Variants in CCDC170 observed in about 807,000 individuals in gnomAD.
The protein encoded by CCDC170 is coiled-coil domain containing 170.
Under a neutral mutation model 72.6 loss-of-function variants are expected in CCDC170, and 69 were observed. The ratio of observed to expected loss-of-function variants is 0.95; its 90% CI spans 0.78 to 1.16. The LOEUF is 1.16. Among genes scored for constraint, CCDC170 ranks in the 50% most tolerant of loss-of-function variants. The pLI is 0.00. For synonymous variants in CCDC170, 300 were observed against 303.9 expected, an observed-to-expected ratio of 0.99 and a Z score of 0.13; for missense variants, 852 against 832.5, an observed-to-expected ratio of 1.02 and a Z score of -0.29.
chr6:151,547,176 T>A (rs1782789780), intron 4 of CCDC170, among the ~76,000 whole-genome samples: 1 of 152,144 alleles, frequency 6.6e-6, no homozygotes, highest in South Asian at 2.1e-4. Context: ...TTCCTAACAA[T>A]TAGACATTCA....
intron 6 of CCDC170, among the ~76,000 whole-genome samples, chr6:151,578,332 G>A (rs753299031): frequency 3.3e-5 from 5 of 152,148 alleles, no homozygotes; most frequent in Non-Finnish European, 7.4e-5. Flanking sequence ...CAGTAGGGTT[G>A]GTTCCTTCTG....
At position 151,533,178 on chromosome 6, in the gene CCDC170, C is replaced by T. The variant is rs545186598; in HGVS notation, c.58-3140C>T. On this transcript the variant is annotated intron_variant, in intron 1 of 10. Transcript: ENST00000239374. ...ATGCCATTCTCCTGCCTCAGCCTCC[C>T]GAGTAGCTGGGACTACAGGCGCCCG... is the stretch of plus-strand genomic sequence containing the variant. Among the ~76,000 whole-genome samples, 19 of 151,586 alleles carry T rather than the reference C, an allele frequency of 1.3e-4. No homozygotes were observed. In the South Asian group the frequency reaches 1.7e-3, roughly 13 times the overall value.
intron 1 of CCDC170, among the ~76,000 whole-genome samples, chr6:151,513,919 C>CAAAAAAA (rs58387477): frequency 4.3e-3 from 208 of 48,304 alleles, no homozygotes; most frequent in Middle Eastern, 0.014. Context: ...GACCCTGTCT[C>CAAAAAAA]AAAAAAAAAA....
At chr6:151,568,437 G>A (rs1445461272) in intron 5 of CCDC170, among the ~76,000 whole-genome samples, 1 of 152,118 alleles carries the variant, frequency 6.6e-6, no homozygotes, top group Non-Finnish European at 1.5e-5. Context: ...AGGGGGGAAT[G>A]GGTGTGTGCA....
rs757764975 is a variant in CCDC170, at chr6:151,538,173, T to G, written c.315T>G (p.Val105=). 4 of 1,614,032 alleles carry G rather than the reference T, an allele frequency of 2.5e-6. No homozygotes were observed. In the East Asian group the frequency reaches 8.9e-5, roughly 36 times the overall value. The stretch of plus-strand genomic sequence containing the variant: ...TCCTTACCTCTTTGAGAGACAGAGT[T>G]CAGGAACTAGAAGAAGAATCAGCAG... The part of the protein sequence containing the change: ...SSLLTSLRDR[V]QELEEESAAL... The change falls in exon 3 of 11, where the codon GTT becomes GTG. Residue 105 remains valine (V), a synonymous_variant. Coordinates refer to ENST00000239374, the MANE Select transcript of CCDC170 (RefSeq NM_025059.4).
chr6:151,547,687 G>A (rs770076128), intron 4 of CCDC170, among the ~76,000 whole-genome samples: 2 of 152,114 alleles, frequency 1.3e-5, no homozygotes, highest in African/African-American at 2.4e-5. Flanking sequence ...GAGTGAAATT[G>A]TCTGTATGGC....
chr6:151,598,916 C>T (rs1776664274), intron 9 of CCDC170, among the ~76,000 whole-genome samples: 1 of 152,120 alleles, frequency 6.6e-6, no homozygotes, highest in African/African-American at 2.4e-5. Context: ...TGCGGGTGTT[C>T]ATCCCTAGGC....
chr6:151,572,795 G>T (rs1271984355), intron 5 of CCDC170, among the ~76,000 whole-genome samples: 1 of 151,556 alleles, frequency 6.6e-6, no homozygotes, highest in Admixed American at 6.6e-5. Flanking sequence ...GATTACAGGT[G>T]TGCGCCACTA....
In CCDC170 at chr6:151,544,580, C is replaced by A; in HGVS notation, c.452C>A (p.Ser151Ter). 1 of 1,610,336 alleles carries A rather than the reference C, an allele frequency of 6.2e-7. No individual in the cohort carries two copies. The highest frequency in any genetic ancestry group is 1.1e-5 in the South Asian group (1 of 90,798). ...VELNEKLQKC[S>*]KENEENKKQV... The stretch of plus-strand genomic sequence containing the variant: ...TGTTATTTGCCTAACAGAAAGTGTT[C>A]AAAAGAAAATGAGGAGAATAAGAAA... Residue 151 changes from serine (S) to a stop codon, truncating the protein, a stop_gained, in exon 4 of 11, where the codon TCA (serine) becomes TAA (stop). Transcript: ENST00000239374. LOFTEE classifies it high-confidence loss of function.
At chr6:151,501,748 G>A (rs1175610137) in intron 1 of CCDC170, among the ~76,000 whole-genome samples, 1 of 152,154 alleles carries the variant, frequency 6.6e-6, no homozygotes, top group Non-Finnish European at 1.5e-5. Flanking sequence ...AATGTGTAGT[G>A]TATTTCAAAC....
chr6:151,609,113 A>C (rs1776830258), intron 9 of CCDC170, among the ~76,000 whole-genome samples: 1 of 152,050 alleles, frequency 6.6e-6, no homozygotes, highest in African/African-American at 2.4e-5. Context: ...GCTGAATTCC[A>C]GTGTTCCTCC....
At chr6:151,585,688 A>C (rs564725428) in intron 6 of CCDC170, among the ~76,000 whole-genome samples, 1 of 152,366 alleles carries the variant, frequency 6.6e-6, no homozygotes, top group South Asian at 2.1e-4. Flanking sequence ...TACCAATCGA[A>C]AAATTTAATT....
intron 5 of CCDC170, among the ~76,000 whole-genome samples, chr6:151,555,597 G>A (rs1782961738): frequency 6.6e-6 from 1 of 152,126 alleles, no homozygotes; most frequent in Admixed American, 6.6e-5. Context: ...TCTAGAAATG[G>A]GGAACTCACT....
At chr6:151,520,979 C>T (rs1782306472) in intron 1 of CCDC170, among the ~76,000 whole-genome samples, 1 of 152,148 alleles carries the variant, frequency 6.6e-6, no homozygotes, top group Non-Finnish European at 1.5e-5. Flanking sequence ...TTGCAATTCC[C>T]CTGTCTTGAT....
rs779650559 is a variant in CCDC170, at chr6:151,540,373, C to CTTTTTTTTTTTTTTTTTTTT, written c.443+2082_443+2101dup. Reference sequence around the variant, plus strand: ...CCTCCTCCTCCTTCTTCTGCTGCTGCTTTTTTTTTTTTTTTTTTTTTTTTT... The same window carrying CTTTTTTTTTTTTTTTTTTTT: ...CCTCCTCCTCCTTCTTCTGCTGCTGCTTTTTTTTTTTTTTTTTTTTTTTTTTTTTTTTTTTTTTTTTTTTT... On this transcript the variant is annotated intron_variant, in intron 3 of 10. Coordinates refer to ENST00000239374, the MANE Select transcript of CCDC170 (RefSeq NM_025059.4). Among the ~76,000 whole-genome samples, 7 of 37,982 alleles carry CTTTTTTTTTTTTTTTTTTTT rather than the reference C, an allele frequency of 1.8e-4. 2 individuals carry two copies. The highest frequency in any genetic ancestry group is 3.4e-4 in the Non-Finnish European group (7 of 20,510). The allele number at this position is 37,982 out of a possible 152,430, so 24.9% of individuals were successfully genotyped here.
chr6:151,612,945 A>G (rs1013158172), intron 9 of CCDC170, among the ~76,000 whole-genome samples: 59 of 104,428 alleles, frequency 5.6e-4, no homozygotes, highest in African/African-American at 2.9e-3. Context: ...TCAGAGCTGT[A>G]CTGGTCTTTG....
In CCDC170 at chr6:151,536,435, G is replaced by A. The variant is rs1190512732; in HGVS notation, c.175G>A (p.Ala59Thr). ...LAATLVKFEC[A>T]QSELQDLRSK... The stretch of plus-strand genomic sequence containing the variant: ...AGCAACTTTGGTCAAATTTGAATGT[G>A]CTCAGTCTGAGGTAAGATAATGCAT... The change falls in exon 2 of 11, where the codon GCT becomes ACT. Residue 59 changes from alanine to threonine, a missense_variant. Ala to Thr is a moderately conservative substitution (Grantham distance 58). Transcript: ENST00000239374. 5 of 1,614,030 alleles carry A rather than the reference G, an allele frequency of 3.1e-6. No homozygotes were observed. Among genetic ancestry groups the A allele is most frequent in the Non-Finnish European group, 4.2e-6 (5 of 1,179,962 alleles).
intron 5 of CCDC170, among the ~76,000 whole-genome samples, chr6:151,557,014 C>T (rs1782989588): frequency 6.6e-6 from 1 of 152,116 alleles, no homozygotes; most frequent in South Asian, 2.1e-4. Flanking sequence ...TTATTTCACT[C>T]AACATAATGA....
At chr6:151,532,975 C>A (rs1227525964) in intron 1 of CCDC170, among the ~76,000 whole-genome samples, 2 of 152,134 alleles carry the variant, frequency 1.3e-5, no homozygotes, top group African/African-American at 4.8e-5. Context: ...AGATCCCTGC[C>A]GCAGGGCCCT....
Sources: allele counts gnomAD v4.1 joint callset (sites outside exome capture counted in the v4.1 genomes callset), GRCh38; gene constraint gnomAD v4.1.1; transcripts MANE v1.5; gene names NCBI Gene and HGNC (gene_info 2026-07-23, HGNC 2026-07-21).